CAMK4: variants seen among roughly 807,000 people sequenced by gnomAD.
CAMK4 encodes calcium/calmodulin-dependent protein kinase type IV.
In CAMK4, 22 loss-of-function variants were observed where a neutral mutation model predicts 44.9. The ratio of observed to expected loss-of-function variants is 0.49; its 90% CI spans 0.35 to 0.70. The LOEUF (loss-of-function observed/expected upper bound fraction) is 0.70. Among genes scored for constraint, CAMK4 ranks in the 30% least tolerant of loss-of-function variants. CAMK4 has a pLI of 0.01. For synonymous variants in CAMK4, 218 were observed against 215.4 expected (o/e 1.01, Z -0.11); for missense variants, 498 against 586.8 (o/e 0.85, Z 1.56).
At chr5:111,456,965 A>G (rs748925336) in intron 7 of CAMK4, among the ~76,000 whole-genome samples, 2 of 152,200 alleles carry the variant, frequency 1.3e-5, no homozygotes, top group Non-Finnish European at 2.9e-5. Context: ...AGATATGCTG[A>G]AGTTCACTGA....
Position 111,477,597 on chromosome 5 carries a change from C to G in CAMK4, c.702-784C>G, listed in dbSNP as rs1755292564. Among the ~76,000 whole-genome samples, 3 of 152,176 alleles carry G rather than the reference C, an allele frequency of 2.0e-5. No individual in the cohort carries two copies. The South Asian group carries it at 6.2e-4, about 32-fold the overall frequency. On this transcript the variant is annotated intron_variant, in intron 8 of 10. Coordinates refer to ENST00000282356, the MANE Select transcript of CAMK4 (RefSeq NM_001744.6). Reference sequence around the variant, plus strand: ...CAAACAACTCGCTTTTCCTTTCTCTCTTGTTAAGATGCCCAAGATAGTTCT... The same window carrying G: ...CAAACAACTCGCTTTTCCTTTCTCTGTTGTTAAGATGCCCAAGATAGTTCT...
At chr5:111,375,325 G>A (rs1308186094) in intron 3 of CAMK4, among the ~76,000 whole-genome samples, 1 of 152,108 alleles carries the variant, frequency 6.6e-6, no homozygotes, top group African/African-American at 2.4e-5. Flanking sequence ...TCTGCTTCAT[G>A]AACAATGTGA....
At chr5:111,299,705 G>T (rs1396518099) in intron 1 of CAMK4, among the ~76,000 whole-genome samples, 1 of 152,112 alleles carries the variant, frequency 6.6e-6, no homozygotes, top group African/African-American at 2.4e-5. Flanking sequence ...AATTCCCTAT[G>T]TGACCAGCAT....
chr5:111,318,523 G>C (rs1285791551), intron 1 of CAMK4, among the ~76,000 whole-genome samples: 1 of 152,150 alleles, frequency 6.6e-6, no homozygotes, highest in Non-Finnish European at 1.5e-5. Flanking sequence ...TTTTGGGGTG[G>C]AAGGTGGGGT....
chr5:111,355,015 C>T (rs1221740359), intron 2 of CAMK4, among the ~76,000 whole-genome samples: 1 of 152,102 alleles, frequency 6.6e-6, no homozygotes, highest in Middle Eastern at 3.2e-3. Flanking sequence ...TTGTATGCTG[C>T]TATTGGCCAC....
At chr5:111,358,092 T>C (rs2112790051) in intron 2 of CAMK4, 1 of 152,228 alleles carries the variant, frequency 6.6e-6, no homozygotes, top group African/African-American at 2.4e-5. Flanking sequence ...TAAGCCTTTA[T>C]TGACACAGGC....
At chr5:111,282,803 T>C (rs1407659506) in intron 1 of CAMK4, 1 of 152,212 alleles carries the variant, frequency 6.6e-6, no homozygotes, top group Non-Finnish European at 1.5e-5. Flanking sequence ...AAATTGAAAG[T>C]ACAATAAGTC....
Position 111,491,473 on chromosome 5 carries a change from T to A in CAMK4, c.*7007T>A, listed in dbSNP as rs918887791. The A allele has an allele frequency of 1.3e-5, 2 of 152,112 alleles. No homozygotes were observed. The highest frequency in any genetic ancestry group is 2.9e-5 in the Non-Finnish European group (2 of 68,018). The allele number at this position is 152,112 out of a possible 1,614,324, so 9.4% of individuals were successfully genotyped here. Reference sequence around the variant, plus strand: ...CTTAGCTTAAGGTTCGTATTCCCATTTGCTTCTGAGAAAGTTAGGAAAATT... The same window carrying A: ...CTTAGCTTAAGGTTCGTATTCCCATATGCTTCTGAGAAAGTTAGGAAAATT... On this transcript the variant is annotated 3_prime_UTR_variant, in exon 11 of 11. Transcript: ENST00000282356.
At chr5:111,381,247 A>T (rs1751400628) in intron 4 of CAMK4, among the ~76,000 whole-genome samples, 2 of 152,128 alleles carry the variant, frequency 1.3e-5, no homozygotes, top group Non-Finnish European at 2.9e-5. Context: ...ATAGATGTAT[A>T]TATGTAGGGG....
At chr5:111,447,643 C>G (rs1395921441) in intron 6 of CAMK4, among the ~76,000 whole-genome samples, 1 of 152,150 alleles carries the variant, frequency 6.6e-6, no homozygotes, top group East Asian at 1.9e-4. Flanking sequence ...GATGAATTCT[C>G]ACTAGTGGAA....
intron 2 of CAMK4, among the ~76,000 whole-genome samples, chr5:111,353,697 A>G (rs898894205): frequency 3.3e-5 from 5 of 151,716 alleles, no homozygotes; most frequent in African/African-American, 7.2e-5. Context: ...TTACATTTCT[A>G]TACACTAACA....
At chr5:111,394,816 T>G (rs1216575822) in intron 5 of CAMK4, 34 bp downstream of exon 5, 1 of 1,274,696 alleles carries the variant, frequency 7.8e-7, no homozygotes, top group Non-Finnish European at 1.1e-6. Flanking sequence ...GTGTAACTCT[T>G]AGTCATCTCT....
chr5:111,493,847 C>A lies in CAMK4; in HGVS notation c.*9381C>A, dbSNP rs1223142208. ...GATAATGCCTGTGATTAGTGAATGG[C>A]GGCATTATTCCTGAAGACAAATGAA... On this transcript the variant is annotated 3_prime_UTR_variant, in exon 11 of 11. Transcript: ENST00000282356. This position sits in a 1 kb window ranked among gnomAD's most constrained non-coding sequence, Gnocchi z 4.1. 1.3e-5 allele frequency: 2 copies of A among 152,002 alleles called. No homozygotes were observed. The highest frequency in any genetic ancestry group is 4.8e-5 in the African/African-American group (2 of 41,382). The allele number at this position is 152,002 out of a possible 1,614,324, so 9.4% of individuals were successfully genotyped here. A position where few individuals can be genotyped will look rare whatever the true frequency, so the allele number is the denominator to read the frequency against.
chr5:111,473,384 C>T lies in CAMK4; in HGVS notation c.699C>T (p.Ile233=). Residue 233 remains isoleucine (I), a splice_region_variant and synonymous_variant, in exon 8 of 11, where the codon ATC becomes ATT. Coordinates refer to ENST00000282356, the MANE Select transcript of CAMK4 (RefSeq NM_001744.6). ...GGTCTGTAGGAATAATCACCTACAT[C>T]TTGTAAGTGAAGAAAAGCAATATTT... ...DMWSVGIITY[I]LLCGFEPFYD... 1 of 1,583,524 alleles carries T rather than the reference C, an allele frequency of 6.3e-7. No homozygotes were observed. Among genetic ancestry groups the T allele is most frequent in the East Asian group, 2.2e-5 (1 of 44,694 alleles).
chr5:111,393,762 A>T (rs1313701894), intron 4 of CAMK4, among the ~76,000 whole-genome samples: 1 of 152,050 alleles, frequency 6.6e-6, no homozygotes, highest in South Asian at 2.1e-4. Context: ...AAAATAACTT[A>T]TGGGTACTAG....
At position 111,488,239 on chromosome 5, in the gene CAMK4, T is replaced by A. The variant is rs1396674066; in HGVS notation, c.*3773T>A. On this transcript the variant is annotated 3_prime_UTR_variant, in exon 11 of 11. Transcript: ENST00000282356. The stretch of plus-strand genomic sequence containing the variant: ...CATACCAAATCTGCATGATGAAGAT[T>A]GTGTAATGATGGTGATATCATGCCA... 6.6e-6 allele frequency: 1 copy of A among 152,238 alleles called. No individual in the cohort carries two copies. Among genetic ancestry groups the A allele is most frequent in the African/African-American group, 2.4e-5 (1 of 41,468 alleles). 9.4% of individuals were successfully genotyped at this position (152,238 alleles called of 1,614,324 possible). A position where few individuals can be genotyped will look rare whatever the true frequency, so the allele number is the denominator to read the frequency against.
intron 3 of CAMK4, 71 bp downstream of exon 3, chr5:111,374,983 T>A: frequency 1.0e-6 from 1 of 958,678 alleles, no homozygotes; most frequent in Non-Finnish European, 1.6e-6. Context: ...TCCTTCACTG[T>A]CAGTGCTGAT....
In CAMK4 at chr5:111,275,636, G is replaced by A. The variant is rs143060475; in HGVS notation, c.161+50992G>A. 4.2e-4 allele frequency among the ~76,000 whole-genome samples: 64 copies of A among 151,952 alleles called. 1 individual carries two copies. In the Middle Eastern group the frequency reaches 0.017, roughly 40 times the overall value. ...TATAGCTTGGGAGTAAAGCATTTTC[G>A]GTTTTGGAGGATGAAAAGAAGTTGG... is the stretch of plus-strand genomic sequence containing the variant. On this transcript the variant is annotated intron_variant, in intron 1 of 10. Coordinates refer to ENST00000282356, the MANE Select transcript of CAMK4 (RefSeq NM_001744.6).
chr5:111,255,662 T>C (rs868697618), intron 1 of CAMK4, among the ~76,000 whole-genome samples: 78 of 152,220 alleles, frequency 5.1e-4, no homozygotes, highest in African/African-American at 1.8e-3. Flanking sequence ...CTGAATTGTG[T>C]GTTTGCATAC....
Sources: gnomAD v4.1 joint callset for allele counts (sites outside exome capture counted in the v4.1 genomes callset) on GRCh38, gnomAD v4.1.1 for gene constraint, Gnocchi (gnomAD v3.1) non-coding constraint, MANE v1.5 for transcripts, NCBI Gene and HGNC (gene_info 2026-07-23, HGNC 2026-07-21) for gene names.